Variants in EVC observed in about 807,000 individuals in gnomAD.
EVC encodes the protein EvC ciliary complex subunit 1, also known as evC complex member EVC.
EVC carries 116 observed loss-of-function variants against 118.9 expected under a neutral mutation model. The ratio of observed to expected loss-of-function variants is 0.98; its 90% CI spans 0.84 to 1.14. The LOEUF is 1.14. EVC is among the 50% of genes most tolerant of loss of function. The pLI is 0.00. For missense variants in EVC, 1,401 were observed against 1,246.4 expected, an observed-to-expected ratio of 1.12 and a Z score of -1.87; for synonymous variants, 619 against 534.7, an observed-to-expected ratio of 1.16 and a Z score of -2.18.
intron 15 of EVC, among the ~76,000 whole-genome samples, chr4:5,801,507 C>T (rs988630778): frequency 2.0e-5 from 3 of 152,010 alleles, no homozygotes; most frequent in Non-Finnish European, 4.4e-5. Flanking sequence ...GGCAAAACCC[C>T]ATCTCTACTA....
At chr4:5,773,908 A>T (rs1291805987) in intron 11 of EVC, among the ~76,000 whole-genome samples, 2 of 152,064 alleles carry the variant, frequency 1.3e-5, no homozygotes, top group African/African-American at 4.8e-5. Flanking sequence ...CCTGGGGAAC[A>T]TTCTTGGGTC....
rs1288657155 is a variant in EVC, at chr4:5,729,863, G to A, written c.384+473G>A. ...CCACTTTACACGTAAGGAAACTGAG[G>A]CCCAGAGAGGCGAGTGACCTGAGGT... On this transcript the variant is annotated intron_variant, in intron 3 of 20. Transcript: ENST00000264956. 2.6e-5 allele frequency among the ~76,000 whole-genome samples: 4 copies of A among 152,188 alleles called. No homozygotes were observed. The East Asian group carries it at 7.7e-4, about 29-fold the overall frequency.
At chr4:5,820,357 A>G in the EVC span, among the ~76,000 whole-genome samples, 1 of 151,590 alleles carries the variant, frequency 6.6e-6, no homozygotes, top group Admixed American at 6.6e-5. Flanking sequence ...AACAACAGCT[A>G]ATGGAAGCAA....
Position 5,737,449 on chromosome 4 carries a change from G to T in EVC, c.702+4014G>T, listed in dbSNP as rs1727874039. Among the ~76,000 whole-genome samples the T allele has an allele frequency of 6.6e-6, 1 of 152,208 alleles. No individual in the cohort carries two copies. The highest frequency in any genetic ancestry group is 2.4e-5 in the African/African-American group (1 of 41,458). On this transcript the variant is annotated intron_variant, in intron 5 of 20. Coordinates refer to ENST00000264956, the MANE Select transcript of EVC (RefSeq NM_153717.3). The surrounding 1 kb of genome is among the most constrained non-coding windows in gnomAD (Gnocchi z 5.0). Reference sequence around the variant, plus strand: ...GATGAAATAGCACAATATGGTCATGGAAGAAGATGCCATCTAAGACTTCAT... The same window carrying T: ...GATGAAATAGCACAATATGGTCATGTAAGAAGATGCCATCTAAGACTTCAT...
intron 7 of EVC, 143 bp from the exon 8 acceptor site, chr4:5,748,005 C>T: frequency 1.1e-6 from 1 of 940,572 alleles, no homozygotes; most frequent in Non-Finnish European, 1.7e-6. Context: ...TGATTGTTGC[C>T]AAGATAAACT....
At chr4:5,827,706 C>T in the EVC span, among the ~76,000 whole-genome samples, 9 of 150,714 alleles carry the variant, frequency 6.0e-5, no homozygotes, top group Admixed American at 1.3e-4. Flanking sequence ...ACACATGACA[C>T]GCATAGACAT....
intron 11 of EVC, among the ~76,000 whole-genome samples, chr4:5,761,719 G>A (rs10004227): frequency 6.6e-6 from 1 of 151,336 alleles, no homozygotes; most frequent in Non-Finnish European, 1.5e-5. Flanking sequence ...TTGAAAGGGC[G>A]GGTTTCTGTT....
chr4:5,825,548 T>G, the EVC span: 2 of 1,594,758 alleles, frequency 1.3e-6, no homozygotes, highest in Non-Finnish European at 1.7e-6. The surrounding 1 kb of genome is among the most constrained non-coding windows in gnomAD (Gnocchi z 4.4). Flanking sequence ...GGCTGGTGTT[T>G]AGAAGGCGAA....
rs776252465 is a variant in EVC, at chr4:5,797,134, A to C, written c.1999A>C (p.Lys667Gln). The C allele has an allele frequency of 1.4e-5, 23 of 1,613,448 alleles. No individual in the cohort carries two copies. The highest frequency in any genetic ancestry group is 1.9e-5 in the Non-Finnish European group (23 of 1,180,008). Residue 667 changes from lysine to glutamine, a missense_variant, in exon 14 of 21, where the codon AAG (lysine) becomes CAG (glutamine). Coordinates refer to ENST00000264956, the MANE Select transcript of EVC (RefSeq NM_153717.3). ...ATLTQMRLSG[K>Q]KHLLQELREQ... ...CCTGACGCAGATGCGGCTATCGGGG[A>C]AGAAGCACCTCCTGCAGGAGCTGCG...
At position 5,783,655 on chromosome 4, in the gene EVC, A is replaced by G; in HGVS notation, c.1667A>G (p.Tyr556Cys). The change falls in exon 12 of 21, where the codon TAC becomes TGC. Residue 556 changes from tyrosine (Y) to cysteine (C), a missense_variant. Physicochemically the swap from Tyr to Cys is radical, Grantham distance 194 (BLOSUM62 -2). Coordinates refer to ENST00000264956, the MANE Select transcript of EVC (RefSeq NM_153717.3). The stretch of plus-strand genomic sequence containing the variant: ...GGCCTCCCCCCGGAAGAGTGTGACT[A>G]CTTGAGGCAGGAAGTCCAGGAGAAC... ...MTGLPPEECD[Y>C]LRQEVQENAA... The G allele has an allele frequency of 6.2e-7, 1 of 1,614,078 alleles. No individual in the cohort carries two copies. Among genetic ancestry groups the G allele is most frequent in the Non-Finnish European group, 8.5e-7 (1 of 1,180,004 alleles).
intron 17 of EVC, 66 bp from the exon 18 acceptor site, chr4:5,808,135 C>CAACCAACCCA: frequency 1.9e-6 from 1 of 515,902 alleles, no homozygotes; most frequent in Non-Finnish European, 3.7e-6. Flanking sequence ...TTCCTTCTCC[C>CAACCAACCCA]TCCCTCCCTC....
chr4:5,722,965 C>T (rs1295110419), intron 2 of EVC, among the ~76,000 whole-genome samples: 3 of 152,202 alleles, frequency 2.0e-5, no homozygotes, highest in Non-Finnish European at 4.4e-5. Flanking sequence ...GAGCCCGCTC[C>T]TTCCCTGATT....
At chr4:5,767,798 G>A (rs1040932892) in intron 11 of EVC, among the ~76,000 whole-genome samples, 1 of 152,166 alleles carries the variant, frequency 6.6e-6, no homozygotes, top group African/African-American at 2.4e-5. Context: ...TGCGCCCACT[G>A]TCTGGCACTC....
At position 5,711,245 on chromosome 4, in the gene EVC, G is replaced by A. The variant is rs1722952368; in HGVS notation, c.-136G>A. The A allele has an allele frequency of 8.5e-6, 4 of 469,458 alleles. No individual in the cohort carries two copies. The highest frequency in any genetic ancestry group is 1.1e-5 in the Non-Finnish European group (4 of 357,580). The allele number at this position is 469,458 out of a possible 1,614,324, so 29.1% of individuals were successfully genotyped here. On this transcript the variant is annotated 5_prime_UTR_variant, in exon 1 of 21. Coordinates refer to ENST00000264956, the MANE Select transcript of EVC (RefSeq NM_153717.3). ...AAGGGGAGAGAAGCAGGAGTCGGGA[G>A]ACTGCACAGGCCAGAAAGTCTGCGG...
chr4:5,720,092 C>T (rs557086996), intron 2 of EVC, among the ~76,000 whole-genome samples: 31 of 152,288 alleles, frequency 2.0e-4, no homozygotes, highest in African/African-American at 5.5e-4. Flanking sequence ...CACAGAACAT[C>T]GCTTTCTGGG....
At chr4:5,828,761 G>A in the EVC span, 2 of 1,415,618 alleles carry the variant, frequency 1.4e-6, no homozygotes, top group Admixed American at 2.4e-5. Flanking sequence ...TATATCATAA[G>A]CGTGTTCCAA....
At chr4:5,771,282 C>T (rs1392351619) in intron 11 of EVC, among the ~76,000 whole-genome samples, 2 of 152,112 alleles carry the variant, frequency 1.3e-5, no homozygotes, top group Admixed American at 6.5e-5. Context: ...TTCTAAAGGC[C>T]ACCCACATTC....
At chr4:5,753,332 G>A (rs1730684254) in intron 9 of EVC, among the ~76,000 whole-genome samples, 1 of 152,244 alleles carries the variant, frequency 6.6e-6, no homozygotes, top group East Asian at 1.9e-4. Flanking sequence ...ACGTCCTGCA[G>A]CAAAGCCACC....
chr4:5,820,839 G>A, the EVC span: 1 of 152,194 alleles, frequency 6.6e-6, no homozygotes. Flanking sequence ...AGAAATAAGA[G>A]CCACAACAAG....
Sources: gnomAD v4.1 joint callset for allele counts (sites outside exome capture counted in the v4.1 genomes callset) on GRCh38, gnomAD v4.1.1 for gene constraint, Gnocchi (gnomAD v3.1) non-coding constraint, MANE v1.5 for transcripts, NCBI Gene and HGNC (gene_info 2026-07-23, HGNC 2026-07-21) for gene names.